The following ZFHX3 variants were observed in gnomAD, a reference collection of about 807,000 sequenced individuals.
The protein encoded by ZFHX3 is zinc finger homeobox 3, also known as zinc finger homeobox protein 3.
In ZFHX3, 42 loss-of-function variants were observed where a neutral mutation model predicts 279.1. The ratio of observed to expected loss-of-function variants is 0.15; its 90% CI spans 0.12 to 0.19. The LOEUF (loss-of-function observed/expected upper bound fraction) is 0.19, where lower values mean the gene tolerates loss of function less well. ZFHX3 is among the 10% of genes least tolerant of loss of function. The pLI is 1.00. For missense variants in ZFHX3, 4,981 were observed against 4,754.0 expected, an observed-to-expected ratio of 1.05 and a Z score of -1.40; for synonymous variants, 2,293 against 1,957.8, an observed-to-expected ratio of 1.17 and a Z score of -4.52.
intron 1 of ZFHX3, among the ~76,000 whole-genome samples, chr16:73,778,899 ATTG>A (rs960444639): frequency 1.3e-5 from 2 of 152,240 alleles, no homozygotes; most frequent in African/African-American, 4.8e-5. Flanking sequence ...GAAAGTAGGA[ATTG>A]TTCTTCTGTG....
chr16:73,272,098 C>T (rs1397077029), intron 4 of ZFHX3, among the ~76,000 whole-genome samples: 3 of 152,108 alleles, frequency 2.0e-5, no homozygotes, highest in South Asian at 2.1e-4. Flanking sequence ...AGTTTTCATC[C>T]GTCTGAAGCA....
At chr16:72,983,683 G>T (rs1962718416) in intron 1 of ZFHX3, among the ~76,000 whole-genome samples, 1 of 151,912 alleles carries the variant, frequency 6.6e-6, no homozygotes, top group African/African-American at 2.4e-5. Flanking sequence ...CTCCAGCCTG[G>T]GTGACAGATC....
intron 2 of ZFHX3, among the ~76,000 whole-genome samples, chr16:73,621,137 T>C (rs2052357162): frequency 6.6e-6 from 1 of 152,228 alleles, no homozygotes; most frequent in Non-Finnish European, 1.5e-5. Flanking sequence ...GGAATCCTAC[T>C]GTCATAACAT....
intron 2 of ZFHX3, among the ~76,000 whole-genome samples, chr16:73,521,135 T>C (rs950225959): frequency 3.9e-5 from 6 of 152,194 alleles, no homozygotes. Flanking sequence ...ATCCCAGCCT[T>C]CAATTATCAA....
At chr16:73,018,702 C>T (rs535128712) in intron 1 of ZFHX3, among the ~76,000 whole-genome samples, 1 of 152,186 alleles carries the variant, frequency 6.6e-6, no homozygotes, top group Non-Finnish European at 1.5e-5. Context: ...TGTTATCATA[C>T]TCTCTTCACT....
At chr16:73,192,988 A>C (rs1333382273) in intron 5 of ZFHX3, among the ~76,000 whole-genome samples, 1 of 152,086 alleles carries the variant, frequency 6.6e-6, no homozygotes, top group Non-Finnish European at 1.5e-5. Context: ...TAGCCACCTC[A>C]TTGGGTTGTT....
chr16:73,751,454 G>A, intron 1 of ZFHX3, among the ~76,000 whole-genome samples: 1 of 151,968 alleles, frequency 6.6e-6, no homozygotes, highest in East Asian at 1.9e-4. Context: ...CTCGATCATT[G>A]GACAACATTG....
intron 2 of ZFHX3, among the ~76,000 whole-genome samples, chr16:73,525,863 A>T (rs1302277399): frequency 1.3e-5 from 2 of 152,214 alleles, no homozygotes; most frequent in African/African-American, 4.8e-5. Flanking sequence ...TAAGCCTTAC[A>T]TCAGCAGAGG....
At chr16:73,594,026 G>T (rs1356041945) in intron 2 of ZFHX3, among the ~76,000 whole-genome samples, 1 of 152,118 alleles carries the variant, frequency 6.6e-6, no homozygotes, top group Admixed American at 6.6e-5. Flanking sequence ...CATTATACTG[G>T]AGGTCACAGC....
intron 7 of ZFHX3, among the ~76,000 whole-genome samples, chr16:72,801,576 T>A (rs892095489): frequency 3.9e-5 from 6 of 152,136 alleles, no homozygotes; most frequent in African/African-American, 1.4e-4. Flanking sequence ...GTGCAAAAAG[T>A]AAGCAACAGG....
intron 6 of ZFHX3, among the ~76,000 whole-genome samples, chr16:73,138,772 G>T (rs1966835785): frequency 6.6e-6 from 1 of 152,066 alleles, no homozygotes; most frequent in African/African-American, 2.4e-5. Flanking sequence ...ACTGCAGCCT[G>T]GACTGCCCAG....
At chr16:73,648,868 C>T (rs1193238237) in intron 2 of ZFHX3, among the ~76,000 whole-genome samples, 3 of 152,164 alleles carry the variant, frequency 2.0e-5, no homozygotes, top group Non-Finnish European at 4.4e-5. Context: ...CACTTCCACC[C>T]TTGGGATGGA....
At chr16:72,891,902 C>T (rs1055124831) in intron 3 of ZFHX3, among the ~76,000 whole-genome samples, 4 of 152,196 alleles carry the variant, frequency 2.6e-5, no homozygotes, top group African/African-American at 4.8e-5. Flanking sequence ...CTGCTTCTGT[C>T]TGATGTTTAT....
intron 3 of ZFHX3, among the ~76,000 whole-genome samples, chr16:73,417,758 G>C (rs2017620045): frequency 6.6e-6 from 1 of 151,550 alleles, no homozygotes; most frequent in Admixed American, 6.6e-5. Flanking sequence ...GGATCACGAG[G>C]TTGGGATATC....
intron 5 of ZFHX3, among the ~76,000 whole-genome samples, chr16:73,237,391 G>A (rs1462080518): frequency 2.6e-5 from 4 of 152,032 alleles, no homozygotes; most frequent in Admixed American, 2.6e-4. Flanking sequence ...GACTACAGGT[G>A]CACACCACTA....
At position 73,277,836 on chromosome 16, in the gene ZFHX3, C is replaced by G. The variant is rs114013875; in HGVS notation, c.-1193-20700G>C. Among the ~76,000 whole-genome samples, 1,245 of 152,142 alleles carry G rather than the reference C, an allele frequency of 8.2e-3. 22 individuals carry two copies. The highest frequency in any genetic ancestry group is 0.029 in the African/African-American group (1,190 of 41,496). On this transcript the variant is annotated intron_variant, in intron 4 of 17. Coordinates refer to the ZFHX3 transcript ENST00000641206. ...GTGGTTTTGGCTTCTGTGGAGGCCTCAAGAAGCTTCCAATCATGGTGGAAG... is the reference window on the plus strand; with the variant it reads ...GTGGTTTTGGCTTCTGTGGAGGCCTGAAGAAGCTTCCAATCATGGTGGAAG...
chr16:72,873,983 C>T (rs1446826890), intron 4 of ZFHX3, among the ~76,000 whole-genome samples: 1 of 152,132 alleles, frequency 6.6e-6, no homozygotes, highest in South Asian at 2.1e-4. Flanking sequence ...GCTAACAGAA[C>T]ACTCACTTTA....
At chr16:73,745,764 G>C (rs1176817446) in intron 1 of ZFHX3, among the ~76,000 whole-genome samples, 1 of 152,110 alleles carries the variant, frequency 6.6e-6, no homozygotes, top group Non-Finnish European at 1.5e-5. Context: ...CTGACCCATT[G>C]GTGTTGGTGT....
At chr16:72,889,279 G>T (rs2038707693) in intron 4 of ZFHX3, among the ~76,000 whole-genome samples, 1 of 152,032 alleles carries the variant, frequency 6.6e-6, no homozygotes, top group South Asian at 2.1e-4. Flanking sequence ...AGACTTTGAG[G>T]CCACAAATTG....
Sources: allele counts gnomAD v4.1 joint callset (sites outside exome capture counted in the v4.1 genomes callset), GRCh38; gene constraint gnomAD v4.1.1; transcripts MANE v1.5; gene names NCBI Gene and HGNC (gene_info 2026-07-23, HGNC 2026-07-21).